CEACAM3: variants seen among roughly 807,000 people sequenced by gnomAD.
The protein encoded by CEACAM3 is CEA cell adhesion molecule 3.
Under a neutral mutation model 30.1 loss-of-function variants are expected in CEACAM3, and 32 were observed. The ratio of observed to expected loss-of-function variants is 1.06; its 90% CI spans 0.80 to 1.43. The LOEUF (loss-of-function observed/expected upper bound fraction) is 1.43. Among genes scored for constraint, CEACAM3 ranks in the 40% most tolerant of loss-of-function variants. The probability of loss-of-function intolerance (pLI) is 0.00; values close to 1 mark genes in which losing one functional copy is unlikely to be tolerated. For missense variants in CEACAM3, 290 were observed against 316.3 expected (o/e 0.92, Z 0.63); for synonymous variants, 134 against 127.2 (o/e 1.05, Z -0.36).
intron 3 of CEACAM3, chr19:41,809,549 G>C: frequency 1.1e-5 from 2 of 181,708 alleles, no homozygotes; most frequent in South Asian, 1.1e-4. Flanking sequence ...TGAGTGCAGG[G>C]TCTGGCCACA....
At chr19:41,803,324 A>G (rs913633386) in intron 2 of CEACAM3, among the ~76,000 whole-genome samples, 1 of 152,138 alleles carries the variant, frequency 6.6e-6, no homozygotes, top group Non-Finnish European at 1.5e-5. Context: ...AATGCCCTCA[A>G]TGGGCTTACT....
intron 4 of CEACAM3, 47 bp from the exon 5 acceptor site, chr19:41,810,276 T>C (rs369634785): frequency 1.3e-6 from 2 of 1,585,644 alleles, no homozygotes; most frequent in Non-Finnish European, 1.7e-6. Flanking sequence ...GGAGAGGGGA[T>C]AAGGCTCTCC....
chr19:41,807,530 C>A, intron 2 of CEACAM3: 6 of 1,368,828 alleles, frequency 4.4e-6, no homozygotes, highest in Non-Finnish European at 5.7e-6. Context: ...CAAACCTGGG[C>A]AGACCCAGCC....
rs992899235 is a variant in CEACAM3 at position 41,797,359 on chromosome 19, G to A, written c.65-230G>A. On this transcript the variant is annotated intron_variant, in intron 1 of 6. Transcript: ENST00000357396. ...TGCCCTGATGTGAGCAGGATCTGAG[G>A]GCAGTGGGGAGGGAGCCATGCAGAC... 1.1e-5 allele frequency: 6 copies of A among 548,812 alleles called. No individual in the cohort carries two copies. In the African/African-American group the frequency reaches 1.1e-4, roughly 10 times the overall value. 34.0% of individuals were successfully genotyped at this position (548,812 alleles called of 1,614,324 possible).
chr19:41,796,686 C>T lies in CEACAM3; in HGVS notation c.9C>T (p.Pro3=), dbSNP rs782113288. 2.5e-6 allele frequency: 4 copies of T among 1,614,156 alleles called. No homozygotes were observed. Among genetic ancestry groups the T allele is most frequent in the Non-Finnish European group, 2.5e-6 (3 of 1,179,998 alleles). Residue 3 remains proline (P), a synonymous_variant, in exon 1 of 7, where the codon CCC becomes CCT. Transcript: ENST00000357396. MG[P]PSASPHRECI... ...AGCAGGCAGCAGAGACCATGGGGCC[C>T]CCCTCAGCCTCTCCCCACAGAGAAT...
intron 2 of CEACAM3, among the ~76,000 whole-genome samples, chr19:41,801,597 A>G (rs183628941): frequency 8.7e-4 from 133 of 152,332 alleles, no homozygotes; most frequent in African/African-American, 2.8e-3. Flanking sequence ...GAGGCTTGAG[A>G]TTAGAGTTTT....
chr19:41,807,539 C>T, intron 2 of CEACAM3: 1 of 1,345,112 alleles, frequency 7.4e-7, no homozygotes, highest in Non-Finnish European at 9.7e-7. Context: ...GCAGACCCAG[C>T]CTTGACCAAG....
Position 41,810,315 on chromosome 19 carries a change from G to A in CEACAM3, c.596-8G>A. The A allele has an allele frequency of 1.2e-6, 2 of 1,604,106 alleles. No homozygotes were observed. The highest frequency in any genetic ancestry group is 2.2e-5 in the South Asian group (2 of 88,980). ...CACCCTGCTGCTCACTCCTGTCTCT[G>A]TTTCCAGGCCGTGGTCCCTCCCACA... is the stretch of plus-strand genomic sequence containing the variant. On this transcript the variant is annotated splice_region_variant and splice_polypyrimidine_tract_variant and intron_variant, in intron 4 of 6. Transcript: ENST00000357396.
chr19:41,808,606 G>A (rs1453166257), intron 2 of CEACAM3, among the ~76,000 whole-genome samples: 1 of 152,238 alleles, frequency 6.6e-6, no homozygotes, highest in Non-Finnish European at 1.5e-5. Context: ...CAATGTATGA[G>A]TTGGTGCCGC....
At chr19:41,799,146 C>T (rs2122991843) in intron 2 of CEACAM3, among the ~76,000 whole-genome samples, 1 of 152,272 alleles carries the variant, frequency 6.6e-6, no homozygotes, top group East Asian at 1.9e-4. Flanking sequence ...TTATCCTCTC[C>T]AAATCTCATG....
intron 2 of CEACAM3, among the ~76,000 whole-genome samples, chr19:41,806,756 G>A (rs1021389043): frequency 2.8e-4 from 43 of 152,090 alleles, no homozygotes; most frequent in South Asian, 8.3e-4. Context: ...GTGCGATCTC[G>A]GCTCACTGCA....
At position 41,810,978 on chromosome 19, in the gene CEACAM3, T is replaced by G. The variant is rs2073245555; in HGVS notation, c.693+81T>G. On this transcript the variant is annotated intron_variant, in intron 6 of 6. Transcript: ENST00000357396. ...TCCCCTACTGGCATCGGCTGAGCTC[T>G]GAGATTCAGGAAACTGCTGTGAAAA... The G allele has an allele frequency of 3.2e-5, 45 of 1,412,110 alleles. No homozygotes were observed. The Middle Eastern group carries it at 5.3e-4, about 17-fold the overall frequency. 87.5% of individuals were successfully genotyped at this position (1,412,110 alleles called of 1,614,324 possible). A position where few individuals can be genotyped will look rare whatever the true frequency, so the allele number is the denominator to read the frequency against.
At chr19:41,804,508 G>A (rs1430639653) in intron 2 of CEACAM3, among the ~76,000 whole-genome samples, 1 of 152,156 alleles carries the variant, frequency 6.6e-6, no homozygotes, top group Non-Finnish European at 1.5e-5. Flanking sequence ...GGGCTCTTTT[G>A]ACATTTACTG....
At chr19:41,803,923 T>G (rs1214350958) in intron 2 of CEACAM3, among the ~76,000 whole-genome samples, 1 of 151,724 alleles carries the variant, frequency 6.6e-6, no homozygotes, top group Non-Finnish European at 1.5e-5. Context: ...CTACTAAAAA[T>G]ACAAAAAATT....
At position 41,810,364 on chromosome 19, in the gene CEACAM3, T is replaced by TC; in HGVS notation, c.627+14dup. On this transcript the variant is annotated intron_variant, in intron 5 of 6. Coordinates refer to ENST00000357396, the MANE Select transcript of CEACAM3 (RefSeq NM_001815.5). The stretch of plus-strand genomic sequence containing the variant: ...CAGCTCTGCCTTCTCGGTAAGCCTG[T>TC]CCCCTTCCAGCCCCTTTCTACTGGG... The TC allele has an allele frequency of 6.3e-7, 1 of 1,598,828 alleles. No homozygotes were observed. The highest frequency in any genetic ancestry group is 8.5e-7 in the Non-Finnish European group (1 of 1,173,246).
intron 6 of CEACAM3, 101 bp from the exon 7 acceptor site, chr19:41,811,071 T>G (rs1600525058): frequency 7.2e-7 from 1 of 1,381,552 alleles, no homozygotes; most frequent in African/African-American, 1.4e-5. Flanking sequence ...CACAGCCAGG[T>G]TCAGCCCCAG....
rs1555827515 is a variant in CEACAM3, at chr19:41,810,851, C to T, written c.647C>T (p.Ala216Val). The part of the protein sequence containing the change: ...SAFSMSPLST[A>V]QAPLPNPRTA... ...CCACAGATGTCCCCTCTCTCCACTG[C>T]CCAGGCCCCCCTACCCAACCCCAGG... The change falls in exon 6 of 7, where the codon GCC (alanine) becomes GTC (valine). Residue 216 changes from alanine to valine, a missense_variant. Physicochemically the swap from Ala to Val is moderately conservative, Grantham distance 64 (BLOSUM62 0). Coordinates refer to ENST00000357396, the MANE Select transcript of CEACAM3 (RefSeq NM_001815.5). 3.1e-6 allele frequency: 5 copies of T among 1,613,296 alleles called. No homozygotes were observed. The South Asian group carries it at 4.4e-5, about 14-fold the overall frequency.
At chr19:41,803,252 A>G (rs2073166440) in intron 2 of CEACAM3, among the ~76,000 whole-genome samples, 1 of 152,186 alleles carries the variant, frequency 6.6e-6, no homozygotes, top group African/African-American at 2.4e-5. Context: ...TCGATATTCT[A>G]AGACAGAACC....
In CEACAM3 at chr19:41,811,216, C is replaced by A; in HGVS notation, c.738C>A (p.His246Gln). 1 of 1,613,984 alleles carries A rather than the reference C, an allele frequency of 6.2e-7. No individual in the cohort carries two copies. Among genetic ancestry groups the A allele is most frequent in the Non-Finnish European group, 8.5e-7 (1 of 1,179,998 alleles). The change falls in exon 7 of 7, where the codon CAC becomes CAA. Residue 246 changes from histidine (H) to glutamine (Q), a missense_variant. Coordinates refer to ENST00000357396, the MANE Select transcript of CEACAM3 (RefSeq NM_001815.5). ...CAAACATTTACTGCCGGATGGACCA[C>A]AAAGCAGAAGTGGCTTCTTAGCTTC... The part of the protein sequence containing the change: ...HDTNIYCRMD[H>Q]KAEVAS
Sources: allele counts gnomAD v4.1 joint callset (sites outside exome capture counted in the v4.1 genomes callset), GRCh38; gene constraint gnomAD v4.1.1; transcripts MANE v1.5; gene names NCBI Gene and HGNC (gene_info 2026-07-23, HGNC 2026-07-21).